The following TTC32 variants were observed in gnomAD, a reference collection of about 807,000 sequenced individuals.
TTC32 encodes the protein tetratricopeptide repeat domain 32.
Under a neutral mutation model 15.3 loss-of-function variants are expected in TTC32, and 16 were observed. The ratio of observed to expected loss-of-function variants is 1.05; its 90% CI spans 0.71 to 1.59. The LOEUF (loss-of-function observed/expected upper bound fraction) is 1.59. Among genes scored for constraint, TTC32 ranks in the 40% most tolerant of loss-of-function variants. The pLI, the probability that TTC32 is intolerant of heterozygous loss-of-function variation, is 0.00. For missense variants in TTC32, 188 were observed against 181.9 expected, an observed-to-expected ratio of 1.03 and a Z score of -0.19; for synonymous variants, 89 against 67.8, an observed-to-expected ratio of 1.31 and a Z score of -1.53.
chr2:19,901,479 C>A (rs1469201756), intron 1 of TTC32: 6 of 562,152 alleles, frequency 1.1e-5, no homozygotes, highest in Non-Finnish European at 1.8e-5. Flanking sequence ...TCCGCACCGT[C>A]GCGGCAGCTG....
intron 1 of TTC32, among the ~76,000 whole-genome samples, chr2:19,900,716 C>G (rs1215172458): frequency 6.6e-6 from 1 of 152,146 alleles, no homozygotes; most frequent in Non-Finnish European, 1.5e-5. Context: ...AAGAGAAAGT[C>G]AGCGAATCGT....
In TTC32 at chr2:19,901,775, G is replaced by A. The variant is rs764301205; in HGVS notation, c.80C>T (p.Ala27Val). The A allele has an allele frequency of 3.1e-6, 5 of 1,614,194 alleles. No homozygotes were observed. The highest frequency in any genetic ancestry group is 3.3e-5 in the Admixed American group (2 of 60,022). Residue 27 changes from alanine (A) to valine (V), a missense_variant, in exon 1 of 3, where the codon GCC (alanine) becomes GTC (valine). Ala to Val is a moderately conservative substitution (Grantham distance 64). Transcript: ENST00000333610. ...AHFNNGEYAE[A>V]EALYSAYIRR... ...AATGTAAGCGGAGTACAGTGCCTCG[G>A]CCTCCGCGTACTCTCCATTGTTGAA... is the stretch of plus-strand genomic sequence containing the variant.
Position 19,896,954 on chromosome 2 carries a change from T to C in TTC32, c.*33A>G. On this transcript the variant is annotated 3_prime_UTR_variant, in exon 3 of 3. Coordinates refer to ENST00000333610, the MANE Select transcript of TTC32 (RefSeq NM_001008237.3). ...TGATAACTAGATGCAGATGTAAGGA[T>C]CATGAATCAATACTTCCATTAAGTT... The C allele has an allele frequency of 6.5e-7, 1 of 1,530,456 alleles. No individual in the cohort carries two copies. The highest frequency in any genetic ancestry group is 1.9e-5 in the Admixed American group (1 of 51,702). The allele number at this position is 1,530,456 out of a possible 1,614,324, so 94.8% of individuals were successfully genotyped here. A position where few individuals can be genotyped will look rare whatever the true frequency, so the allele number is the denominator to read the frequency against.
At chr2:19,901,501 G>A (rs1432167952) in intron 1 of TTC32, 2 of 623,630 alleles carry the variant, frequency 3.2e-6, no homozygotes, top group African/African-American at 3.8e-5. Context: ...CTCCTCACGG[G>A]TGGGCTTCTC....
intron 1 of TTC32, among the ~76,000 whole-genome samples, chr2:19,899,413 T>G (rs967522425): frequency 6.6e-6 from 1 of 152,194 alleles, no homozygotes; most frequent in African/African-American, 2.4e-5. Flanking sequence ...TGTTATAAGT[T>G]TTTAATACTA....
Position 19,901,956 on chromosome 2 carries a change from A to C in TTC32, c.-102T>G. 7.0e-7 allele frequency: 1 copy of C among 1,431,766 alleles called. No individual in the cohort carries two copies. Among genetic ancestry groups the C allele is most frequent in the Non-Finnish European group, 9.6e-7 (1 of 1,046,510 alleles). The allele number at this position is 1,431,766 out of a possible 1,614,324, so 88.7% of individuals were successfully genotyped here. On this transcript the variant is annotated 5_prime_UTR_variant, in exon 1 of 3. Transcript: ENST00000333610. Reference sequence around the variant, plus strand: ...TCCACACCCTGGAATCTACCTTGACAGCCAACCTTGGCGCTAGGTTTGTGC... The same window carrying C: ...TCCACACCCTGGAATCTACCTTGACCGCCAACCTTGGCGCTAGGTTTGTGC...
chr2:19,897,992 C>T lies in TTC32; in HGVS notation c.193G>A (p.Gly65Arg), dbSNP rs1008958345. The T allele has an allele frequency of 3.0e-5, 49 of 1,606,810 alleles. No individual in the cohort carries two copies. Among genetic ancestry groups the T allele is most frequent in the Non-Finnish European group, 4.2e-5 (49 of 1,174,764 alleles). ...TCAACCCTGAAGTACTTGATTTGCC[C>T]CCTGTTGTTATATGCAGTAGCCAAA... ...EDLATAYNNR[G>R]QIKYFRVDFY... The change falls in exon 2 of 3, where the codon GGG becomes AGG. Residue 65 changes from glycine to arginine, a missense_variant. By Grantham distance (125) the Gly-to-Arg change is moderately radical. Coordinates refer to ENST00000333610, the MANE Select transcript of TTC32 (RefSeq NM_001008237.3).
intron 1 of TTC32, among the ~76,000 whole-genome samples, chr2:19,900,662 C>T (rs1474345881): frequency 6.6e-6 from 1 of 152,198 alleles, no homozygotes; most frequent in Non-Finnish European, 1.5e-5. Flanking sequence ...CGAAAAGATG[C>T]TTTGGGCAAG....
chr2:19,900,263 T>C (rs964964768), intron 1 of TTC32, among the ~76,000 whole-genome samples: 1 of 152,224 alleles, frequency 6.6e-6, no homozygotes. Context: ...CATGAATAGT[T>C]TCGCTTTCTA....
rs765629840 is a variant in TTC32 at position 19,901,780 on chromosome 2, C to T, written c.75G>A (p.Ala25=). ...AQAHFNNGEY[A]EAEALYSAYI... The stretch of plus-strand genomic sequence containing the variant: ...AAGCGGAGTACAGTGCCTCGGCCTC[C>T]GCGTACTCTCCATTGTTGAAATGAG... The change falls in exon 1 of 3, where the codon GCG becomes GCA. Residue 25 remains alanine, a synonymous_variant. Transcript: ENST00000333610. The T allele has an allele frequency of 1.4e-5, 23 of 1,614,078 alleles. No individual in the cohort carries two copies. The highest frequency in any genetic ancestry group is 1.1e-4 in the African/African-American group (8 of 74,948).
At chr2:19,901,227 ACAC>A in intron 1 of TTC32, 1 of 340,822 alleles carries the variant, frequency 2.9e-6, no homozygotes, top group Non-Finnish European at 5.8e-6. Context: ...CAAGTGAAAA[ACAC>A]CACCAAGAGC....
At chr2:19,899,802 C>T (rs1237688220) in intron 1 of TTC32, among the ~76,000 whole-genome samples, 3 of 151,504 alleles carry the variant, frequency 2.0e-5, no homozygotes, top group Non-Finnish European at 4.4e-5. Flanking sequence ...TAAAAGAAAA[C>T]GTCACAAACC....
At chr2:19,897,211 C>T (rs1451461088) in intron 2 of TTC32, 85 bp from the exon 3 acceptor site, 3 of 1,386,348 alleles carry the variant, frequency 2.2e-6, no homozygotes, top group Admixed American at 2.7e-5. Flanking sequence ...GATACATGTA[C>T]TTTTGCTTTT....
chr2:19,901,689 G>C lies in TTC32; in HGVS notation c.149+17C>G, dbSNP rs563184866. On this transcript the variant is annotated intron_variant, in intron 1 of 2. Transcript: ENST00000333610. ...TCCACCCGGGGTCGCCGCGGCCCCA[G>C]GTCTCGCGATAGTTACCTCCCGGGA... 8 of 1,604,940 alleles carry C rather than the reference G, an allele frequency of 5.0e-6. No individual in the cohort carries two copies. Among genetic ancestry groups the C allele is most frequent in the Middle Eastern group, 1.7e-4 (1 of 5,778 alleles).
intron 1 of TTC32, among the ~76,000 whole-genome samples, chr2:19,898,629 G>C (rs1410488601): frequency 6.6e-6 from 1 of 152,198 alleles, no homozygotes; most frequent in African/African-American, 2.4e-5. Flanking sequence ...TGCCAGGCTG[G>C]CTTCCTGCTA....
In TTC32 at chr2:19,898,507, A is replaced by G. The variant is rs985429775; in HGVS notation, c.150-472T>C. On this transcript the variant is annotated intron_variant, in intron 1 of 2. Coordinates refer to ENST00000333610, the MANE Select transcript of TTC32 (RefSeq NM_001008237.3). ...TAAGATTTGAAATCATTTTCCACCA[A>G]TAAAAAACTAAAGTTAACGCTAAGT... is the stretch of plus-strand genomic sequence containing the variant. 2 of 152,356 alleles carry G rather than the reference A, an allele frequency of 1.3e-5. 1 individual carries two copies. Among genetic ancestry groups the G allele is most frequent in the Non-Finnish European group, 2.9e-5 (2 of 68,162 alleles). 9.4% of individuals were successfully genotyped at this position (152,356 alleles called of 1,614,324 possible). A position where few individuals can be genotyped will look rare whatever the true frequency, so the allele number is the denominator to read the frequency against.
At chr2:19,901,538 A>G (rs112309861) in intron 1 of TTC32, 168 bp downstream of exon 1, 19,808 of 877,146 alleles carry the variant, frequency 0.023, 278 homozygotes, top group Non-Finnish European at 0.028. Context: ...CCCTCGTCCT[A>G]GGCCTCGCCT....
In TTC32 at chr2:19,901,711, G is replaced by C; in HGVS notation, c.144C>G (p.Pro48=). 3.1e-6 allele frequency: 5 copies of C among 1,611,770 alleles called. No individual in the cohort carries two copies. Among genetic ancestry groups the C allele is most frequent in the Non-Finnish European group, 4.2e-6 (5 of 1,178,340 alleles). ...CACAASSDES[P]GSKCSPEDLA... ...CCAGGTCTCGCGATAGTTACCTCCC[G>C]GGACTCTCGTCGCTGGAGGCCGCGC... is the stretch of plus-strand genomic sequence containing the variant. Residue 48 remains proline, a synonymous_variant, in exon 1 of 3, where the codon CCC becomes CCG. Transcript: ENST00000333610.
chr2:19,899,832 C>T (rs540692539), intron 1 of TTC32, among the ~76,000 whole-genome samples: 12 of 151,894 alleles, frequency 7.9e-5, no homozygotes, highest in Non-Finnish European at 1.5e-4. Flanking sequence ...GAAAGGCATT[C>T]AAAAATTGCA....
Sources: gnomAD v4.1 joint callset for allele counts (sites outside exome capture counted in the v4.1 genomes callset) on GRCh38, gnomAD v4.1.1 for gene constraint, MANE v1.5 for transcripts, NCBI Gene and HGNC (gene_info 2026-07-23, HGNC 2026-07-21) for gene names.